Variants in VPS53 observed in about 807,000 individuals in gnomAD.
VPS53 encodes vacuolar protein sorting-associated protein 53 homolog.
A neutral mutation model predicts 107.0 loss-of-function variants in VPS53; 70 were observed. The observed-to-expected ratio is 0.65, with a 90% confidence interval of 0.54 to 0.80. The LOEUF is 0.80. Among genes scored for constraint, VPS53 ranks in the 30% least tolerant of loss-of-function variants. VPS53 has a pLI of 0.00. For synonymous variants in VPS53, 409 were observed against 393.3 expected (o/e 1.04, Z -0.47); for missense variants, 917 against 1,049.4 (o/e 0.87, Z 1.74).
intron 13 of VPS53, among the ~76,000 whole-genome samples, chr17:574,155 TAC>T (rs1567639614): frequency 2.0e-5 from 3 of 152,182 alleles, no homozygotes; most frequent in Non-Finnish European, 2.9e-5. Flanking sequence ...TACTTTGAGT[TAC>T]AGTGTTTATT....
intron 7 of VPS53, among the ~76,000 whole-genome samples, chr17:643,677 CGAGGACAACACTCATACTTGGAAAGT>C (rs1567701950): frequency 1.7e-3 from 247 of 149,620 alleles, no homozygotes; most frequent in African/African-American, 5.0e-3. Context: ...ACTTGGAAAG[CGAGGACAACACTCATACTTGGAAAGT>C]GAGGACAACA....
intron 7 of VPS53, among the ~76,000 whole-genome samples, chr17:640,270 G>A (rs1970371702): frequency 1.3e-5 from 2 of 152,180 alleles, no homozygotes; most frequent in African/African-American, 4.8e-5. Context: ...TAGGGTGGGA[G>A]TGACCCAATT....
rs1158490601 is a variant in VPS53 at position 512,669 on chromosome 17, CT to C, written c.*6458del. The C allele has an allele frequency of 1.3e-5, 2 of 152,166 alleles. No homozygotes were observed. The highest frequency in any genetic ancestry group is 1.3e-4 in the Admixed American group (2 of 15,280). The allele number at this position is 152,166 out of a possible 1,614,324, so 9.4% of individuals were successfully genotyped here. A position where few individuals can be genotyped will look rare whatever the true frequency, so the allele number is the denominator to read the frequency against. ...GGAAACGAGGTAATGATCCTGGAGC[CT>C]AATGGAAGGGCCGCAGCCAGTTTTC... On this transcript the variant is annotated 3_prime_UTR_variant, in exon 22 of 22. Transcript: ENST00000437048.
intron 17 of VPS53, among the ~76,000 whole-genome samples, chr17:544,039 GAGGAAGGGAGGA>G (rs201653404): frequency 5.1e-5 from 5 of 98,834 alleles, no homozygotes; most frequent in African/African-American, 4.2e-4. Flanking sequence ...GGGAGGGAGG[GAGGAAGGGAGGA>G]AGGAAGGAAA....
At chr17:548,906 C>A (rs1455016422) in intron 17 of VPS53, among the ~76,000 whole-genome samples, 1 of 152,254 alleles carries the variant, frequency 6.6e-6, no homozygotes, top group Non-Finnish European at 1.5e-5. Flanking sequence ...TCAAACACCA[C>A]TTCCTTACGA....
intron 13 of VPS53, among the ~76,000 whole-genome samples, chr17:582,211 A>C (rs1477342576): frequency 1.5e-4 from 14 of 96,382 alleles, no homozygotes; most frequent in Non-Finnish European, 2.4e-4. Context: ...AGAGAACATC[A>C]CTCAGAACCT....
chr17:669,591 T>TAAAAAAAAAAAAAAA, intron 4 of VPS53, among the ~76,000 whole-genome samples: 2 of 46,240 alleles, frequency 4.3e-5, no homozygotes, highest in Non-Finnish European at 1.5e-4. Context: ...ATACTCTGTC[T>TAAAAAAAAAAAAAAA]TAAAAAAAAA....
chr17:567,247 T>C (rs1913610734), intron 13 of VPS53, among the ~76,000 whole-genome samples: 1 of 152,224 alleles, frequency 6.6e-6, no homozygotes, highest in Non-Finnish European at 1.5e-5. Flanking sequence ...TCTAAAGATC[T>C]ATACTTTGTA....
chr17:651,493 T>C (rs558382993), intron 7 of VPS53, among the ~76,000 whole-genome samples: 12 of 152,106 alleles, frequency 7.9e-5, no homozygotes, highest in African/African-American at 2.9e-4. Context: ...TGGGAAACTG[T>C]GGTGGGAGGA....
At chr17:539,161 C>T (rs1190167123) in intron 17 of VPS53, 1 of 152,194 alleles carries the variant, frequency 6.6e-6, no homozygotes. Flanking sequence ...TTCAAAATCT[C>T]AAAACGGTTT....
intron 8 of VPS53, 135 bp downstream of exon 8, chr17:631,415 C>T (rs1042222369): frequency 1.1e-6 from 1 of 909,522 alleles, no homozygotes; most frequent in Non-Finnish European, 1.8e-6. Context: ...GTCTCATTAC[C>T]CTGAACCTGC....
At chr17:621,171 C>T (rs1370520751) in intron 11 of VPS53, among the ~76,000 whole-genome samples, 1 of 152,162 alleles carries the variant, frequency 6.6e-6, no homozygotes, top group Non-Finnish European at 1.5e-5. Context: ...TACATTTACA[C>T]ACATAAACAT....
chr17:577,928 C>T (rs1597330245), intron 13 of VPS53, among the ~76,000 whole-genome samples: 3 of 151,788 alleles, frequency 2.0e-5, no homozygotes, highest in Admixed American at 6.6e-5. Flanking sequence ...CCCAAAGATC[C>T]TCCCTCAGGA....
At chr17:587,670 T>A (rs1967388874) in intron 12 of VPS53, among the ~76,000 whole-genome samples, 1 of 152,236 alleles carries the variant, frequency 6.6e-6, no homozygotes, top group South Asian at 2.1e-4. Context: ...AAGATTTTCC[T>A]ATGTATTACT....
chr17:532,984 C>T, intron 18 of VPS53, 73 bp from the exon 19 acceptor site: 1 of 1,537,600 alleles, frequency 6.5e-7, no homozygotes, highest in Non-Finnish European at 8.8e-7. Context: ...CTTTAAGGTT[C>T]CACGTATCTC....
intron 7 of VPS53, among the ~76,000 whole-genome samples, chr17:634,922 G>A (rs887848235): frequency 2.0e-5 from 3 of 147,062 alleles, no homozygotes; most frequent in African/African-American, 7.3e-5. Flanking sequence ...GTAATGGGGT[G>A]GCTGGGTCAA....
At chr17:634,987 G>A (rs1408461561) in intron 7 of VPS53, among the ~76,000 whole-genome samples, 1 of 152,176 alleles carries the variant, frequency 6.6e-6, no homozygotes, top group Non-Finnish European at 1.5e-5. Flanking sequence ...CTCCACAATG[G>A]TTGAACTAGT....
At chr17:545,542 C>T (rs1911114343) in intron 17 of VPS53, among the ~76,000 whole-genome samples, 1 of 152,244 alleles carries the variant, frequency 6.6e-6, no homozygotes, top group African/African-American at 2.4e-5. Flanking sequence ...ACCAGCTCCA[C>T]CTGGCTACCT....
At chr17:638,132 G>C (rs1321539429) in intron 7 of VPS53, among the ~76,000 whole-genome samples, 2 of 152,158 alleles carry the variant, frequency 1.3e-5, no homozygotes, top group African/African-American at 4.8e-5. Flanking sequence ...AGGATAGTTA[G>C]CTCTTCTTGT....
Sources: allele counts gnomAD v4.1 joint callset (sites outside exome capture counted in the v4.1 genomes callset), GRCh38; gene constraint gnomAD v4.1.1; transcripts MANE v1.5; gene names NCBI Gene and HGNC (gene_info 2026-07-23, HGNC 2026-07-21).